Variants in MEX3D observed in about 807,000 individuals in gnomAD.
MEX3D encodes the protein RNA-binding protein MEX3D.
MEX3D carries 4 observed loss-of-function variants against 6.3 expected under a neutral mutation model. The ratio of observed to expected loss-of-function variants is 0.64; its 90% confidence interval spans 0.31 to 1.46. The LOEUF (loss-of-function observed/expected upper bound fraction) is 1.46. Among genes scored for constraint, MEX3D ranks in the 40% most tolerant of loss-of-function variants. The pLI is 0.07. For missense variants in MEX3D, 1,038 were observed against 994.4 expected (o/e 1.04, Z -0.59); for synonymous variants, 626 against 494.1 (o/e 1.27, Z -3.54).
chr19:1,555,303 T>A lies in MEX3D; in HGVS notation c.*260A>T. ...CTAAAAAAAGTGCAAGCGGACCTTTTCTCTCCGGTTTATTGTAACCTGACC... is the reference window on the plus strand; with the variant it reads ...CTAAAAAAAGTGCAAGCGGACCTTTACTCTCCGGTTTATTGTAACCTGACC... On this transcript the variant is annotated 3_prime_UTR_variant, in exon 2 of 2. Transcript: ENST00000402693. 1 of 1,581,824 alleles carries A rather than the reference T, an allele frequency of 6.3e-7. No homozygotes were observed. Among genetic ancestry groups the A allele is most frequent in the Non-Finnish European group, 8.6e-7 (1 of 1,159,990 alleles).
chr19:1,557,289 G>T (rs947159636), intron 1 of MEX3D, among the ~76,000 whole-genome samples: 1 of 152,134 alleles, frequency 6.6e-6, no homozygotes, highest in African/African-American at 2.4e-5. Flanking sequence ...GGGTCGGCTG[G>T]GCCCGTGGCT....
At chr19:1,559,839 G>A (rs1008467773) in intron 1 of MEX3D, among the ~76,000 whole-genome samples, 2 of 152,112 alleles carry the variant, frequency 1.3e-5, no homozygotes, top group African/African-American at 4.8e-5. Context: ...GGTGGCGGGG[G>A]TGCACCCACT....
chr19:1,565,245 CAAAT>C (rs1914810477), intron 1 of MEX3D, among the ~76,000 whole-genome samples: 1 of 152,068 alleles, frequency 6.6e-6, no homozygotes. Flanking sequence ...ATAATAAAAA[CAAAT>C]AAATAAAACT....
rs1248267132 is a variant in MEX3D, at chr19:1,555,038, C to G, written c.*525G>C. 1 of 147,514 alleles carries G rather than the reference C, an allele frequency of 6.8e-6. No homozygotes were observed. Among genetic ancestry groups the G allele is most frequent in the Non-Finnish European group, 1.5e-5 (1 of 67,040 alleles). The allele number at this position is 147,514 out of a possible 1,614,324, so 9.1% of individuals were successfully genotyped here. A position where few individuals can be genotyped will look rare whatever the true frequency, so the allele number is the denominator to read the frequency against. On this transcript the variant is annotated 3_prime_UTR_variant, in exon 2 of 2. Coordinates refer to ENST00000402693, the MANE Select transcript of MEX3D (RefSeq NM_203304.4). ...GCCCCTCGCCCCCGCCCCCCTGCCC[C>G]CTCCGGCCGCGCACGGTTGATGTAC...
In MEX3D at chr19:1,568,127, G is replaced by A; in HGVS notation, c.-69C>T. 1 of 974,142 alleles carries A rather than the reference G, an allele frequency of 1.0e-6. No homozygotes were observed. Among genetic ancestry groups the A allele is most frequent in the Non-Finnish European group, 1.2e-6 (1 of 826,014 alleles). The allele number at this position is 974,142 out of a possible 1,614,324, so 60.3% of individuals were successfully genotyped here. A position where few individuals can be genotyped will look rare whatever the true frequency, so the allele number is the denominator to read the frequency against. ...GCCGCCGCCGCCCGCGCCGCCCTCC[G>A]CCTCTGCGAGCTGGGCCGCCGGCCG... On this transcript the variant is annotated 5_prime_UTR_variant, in exon 1 of 2. Transcript: ENST00000402693.
At chr19:1,561,560 C>T (rs1914718937) in intron 1 of MEX3D, among the ~76,000 whole-genome samples, 1 of 152,194 alleles carries the variant, frequency 6.6e-6, no homozygotes, top group South Asian at 2.1e-4. Flanking sequence ...AGGCCAGGAA[C>T]AGTGGCTCAC....
At chr19:1,561,019 TC>T (rs1296038282) in intron 1 of MEX3D, among the ~76,000 whole-genome samples, 2 of 152,272 alleles carry the variant, frequency 1.3e-5, no homozygotes, top group East Asian at 3.9e-4. Flanking sequence ...GTGGGCCATG[TC>T]CCCAGAATTC....
intron 1 of MEX3D, among the ~76,000 whole-genome samples, chr19:1,565,023 C>T (rs1914805383): frequency 6.6e-6 from 1 of 152,154 alleles, no homozygotes; most frequent in African/African-American, 2.4e-5. Flanking sequence ...CTGGCATCCA[C>T]AGTTGCATCC....
At chr19:1,564,858 G>C (rs1367041461) in intron 1 of MEX3D, among the ~76,000 whole-genome samples, 1 of 152,158 alleles carries the variant, frequency 6.6e-6, no homozygotes, top group African/African-American at 2.4e-5. Flanking sequence ...GGTGAGTAAA[G>C]GGGCAGGGCC....
Position 1,555,444 on chromosome 19 carries a change from CCCCCTCGGCCTCCG to C in MEX3D, c.*105_*118del, listed in dbSNP as rs1280862901. On this transcript the variant is annotated 3_prime_UTR_variant, in exon 2 of 2. Coordinates refer to ENST00000402693, the MANE Select transcript of MEX3D (RefSeq NM_203304.4). ...ACACTGGCCGCCGCCCACCCCCCTG[CCCCCTCGGCCTCCG>C]CCCCTCGCCCCCTCCCCGTCCCTCT... is the stretch of plus-strand genomic sequence containing the variant. 35 of 1,364,760 alleles carry C rather than the reference CCCCCTCGGCCTCCG, an allele frequency of 2.6e-5. No homozygotes were observed. The highest frequency in any genetic ancestry group is 2.7e-4 in the Middle Eastern group (1 of 3,676). 84.5% of individuals were successfully genotyped at this position (1,364,760 alleles called of 1,614,324 possible).
chr19:1,555,144 G>T lies in MEX3D; in HGVS notation c.*419C>A. 1 of 451,652 alleles carries T rather than the reference G, an allele frequency of 2.2e-6. No homozygotes were observed. Among genetic ancestry groups the T allele is most frequent in the Non-Finnish European group, 3.7e-6 (1 of 268,666 alleles). 28.0% of individuals were successfully genotyped at this position (451,652 alleles called of 1,614,324 possible). ...GGAACGTCTGTGCGGCCTGAGACCG[G>T]CCGGCGAGAAAAGTCAAATCAGAAA... On this transcript the variant is annotated 3_prime_UTR_variant, in exon 2 of 2. Coordinates refer to ENST00000402693, the MANE Select transcript of MEX3D (RefSeq NM_203304.4).
rs1004839621 is a variant in MEX3D at position 1,567,699 on chromosome 19, G to A, written c.360C>T (p.Ala120=). ...GGTCCAGCAGCGGCAGCGACCCGGG[G>A]GCCACGGCGGGGGCCAGGGTCGGGG... ...GAPPTLAPAV[A]PGSLPLLDPN... Residue 120 remains alanine, a synonymous_variant, in exon 1 of 2, where the codon GCC becomes GCT. Transcript: ENST00000402693. This position sits in a 1 kb window ranked among gnomAD's most constrained non-coding sequence, Gnocchi z 6.5. 4 of 1,076,240 alleles carry A rather than the reference G, an allele frequency of 3.7e-6. No individual in the cohort carries two copies. In the African/African-American group the frequency reaches 5.1e-5, roughly 14 times the overall value. 66.7% of individuals were successfully genotyped at this position (1,076,240 alleles called of 1,614,324 possible).
At chr19:1,563,214 A>G (rs946130602) in intron 1 of MEX3D, among the ~76,000 whole-genome samples, 3 of 152,064 alleles carry the variant, frequency 2.0e-5, no homozygotes, top group Non-Finnish European at 4.4e-5. Context: ...TGTCGGGAAA[A>G]CCTGGGGCCT....
At position 1,555,719 on chromosome 19, in the gene MEX3D, G is replaced by A; in HGVS notation, c.1800C>T (p.Cys600=). ...TCACCTCGCCCTCGGCGCACACCACGCACTCTCGCGCCAGGGCCGGGGCCG... is the reference window on the plus strand; with the variant it reads ...TCACCTCGCCCTCGGCGCACACCACACACTCTCGCGCCAGGGCCGGGGCCG... ...ASSAPALARE[C]VVCAEGEVMA... The change falls in exon 2 of 2, where the codon TGC becomes TGT. Residue 600 remains cysteine (C), a synonymous_variant. Transcript: ENST00000402693. 2.6e-6 allele frequency: 4 copies of A among 1,536,296 alleles called. No homozygotes were observed. The highest frequency in any genetic ancestry group is 3.5e-6 in the Non-Finnish European group (4 of 1,147,506).
Position 1,556,099 on chromosome 19 carries a change from C to T in MEX3D, c.1420G>A (p.Ala474Thr), listed in dbSNP as rs1310198908. The change falls in exon 2 of 2, where the codon GCG becomes ACG. Residue 474 changes from alanine (A) to threonine (T), a missense_variant. By Grantham distance (58) the Ala-to-Thr change is moderately conservative. This residue lies in a region of MEX3D where 581 missense variants were observed against 516.2 expected (regional missense o/e 1.13). Transcript: ENST00000402693. The surrounding 1 kb of genome is among the most constrained non-coding windows in gnomAD (Gnocchi z 7.5). The part of the protein sequence containing the change: ...LTVPAAATIW[A>T]PFERAAPLPA... The stretch of plus-strand genomic sequence containing the variant: ...AAGGGGGCGGCGCGCTCAAAAGGCG[C>T]CCAGATGGTGGCCGCGGCGGGCACG... 2.1e-6 allele frequency: 3 copies of T among 1,445,930 alleles called. No homozygotes were observed. The South Asian group carries it at 3.8e-5, about 18-fold the overall frequency. The allele number at this position is 1,445,930 out of a possible 1,614,324, so 89.6% of individuals were successfully genotyped here.
At chr19:1,559,074 A>G (rs1914655043) in intron 1 of MEX3D, among the ~76,000 whole-genome samples, 1 of 150,190 alleles carries the variant, frequency 6.7e-6, no homozygotes, top group South Asian at 2.1e-4. Flanking sequence ...TGCAGCCTTC[A>G]ACTCCTGGGC....
At position 1,565,043 on chromosome 19, in the gene MEX3D, C is replaced by T. The variant is rs370547577; in HGVS notation, c.595+2421G>A. Among the ~76,000 whole-genome samples the T allele has an allele frequency of 1.9e-4, 29 of 152,180 alleles. 1 individual carries two copies. In the South Asian group the frequency reaches 3.5e-3, roughly 19 times the overall value. The stretch of plus-strand genomic sequence containing the variant: ...ATCCACAGTTGCATCCCTGGCAACG[C>T]GCACTCCACTTATGGGGTGGCCACT... On this transcript the variant is annotated intron_variant, in intron 1 of 1. Transcript: ENST00000402693.
At chr19:1,562,524 CAAAAG>C (rs367551203) in intron 1 of MEX3D, among the ~76,000 whole-genome samples, 42 of 151,362 alleles carry the variant, frequency 2.8e-4, no homozygotes, top group South Asian at 6.3e-4. Context: ...GACTCCGCCT[CAAAAG>C]AAAAGAAAAG....
chr19:1,555,463 T>G lies in MEX3D; in HGVS notation c.*100A>C, dbSNP rs1191571298. The G allele has an allele frequency of 1.2e-5, 7 of 568,738 alleles. No individual in the cohort carries two copies. In the East Asian group the frequency reaches 5.9e-4, roughly 48 times the overall value. 35.2% of individuals were successfully genotyped at this position (568,738 alleles called of 1,614,324 possible). On this transcript the variant is annotated 3_prime_UTR_variant, in exon 2 of 2. Coordinates refer to ENST00000402693, the MANE Select transcript of MEX3D (RefSeq NM_203304.4). ...CCCCTGCCCCCTCGGCCTCCGCCCC[T>G]CGCCCCCTCCCCGTCCCTCTCCCAC...
Sources: gnomAD v4.1 joint callset for allele counts (sites outside exome capture counted in the v4.1 genomes callset) on GRCh38, gnomAD v4.1.1 for gene constraint, gnomAD v4.1.1 regional missense constraint, Gnocchi (gnomAD v3.1) non-coding constraint, MANE v1.5 for transcripts, NCBI Gene and HGNC (gene_info 2026-07-23, HGNC 2026-07-21) for gene names.